Variants in DOCK1 observed in about 807,000 individuals in gnomAD.
The protein encoded by DOCK1 is dedicator of cytokinesis 1, also known as dedicator of cytokinesis protein 1.
Under a neutral mutation model 262.7 loss-of-function variants are expected in DOCK1, and 138 were observed. The observed-to-expected ratio is 0.53, with a 90% CI of 0.46 to 0.61. DOCK1 has a LOEUF of 0.61. DOCK1 is among the 20% of genes least tolerant of loss of function. The probability of loss-of-function intolerance (pLI) is 0.00; values close to 1 mark genes in which losing one functional copy is unlikely to be tolerated. For missense variants in DOCK1, 1,908 were observed against 2,370.7 expected, an observed-to-expected ratio of 0.80 and a Z score of 4.05; for synonymous variants, 866 against 867.4, an observed-to-expected ratio of 1.00 and a Z score of 0.03.
At chr10:127,200,142 A>G (rs551150283) in intron 27 of DOCK1, among the ~76,000 whole-genome samples, 1 of 152,330 alleles carries the variant, frequency 6.6e-6, no homozygotes, top group African/African-American at 2.4e-5. Context: ...GTCCCGATCC[A>G]GATCCCAAGA....
At chr10:127,386,061 A>G (rs938736194) in intron 38 of DOCK1, among the ~76,000 whole-genome samples, 1 of 152,194 alleles carries the variant, frequency 6.6e-6, no homozygotes, top group African/African-American at 2.4e-5. Context: ...GGGAGTGATG[A>G]TGGCTGCCCC....
chr10:127,377,984 G>T (rs572313973), intron 35 of DOCK1, among the ~76,000 whole-genome samples: 7 of 152,000 alleles, frequency 4.6e-5, no homozygotes, highest in Non-Finnish European at 8.8e-5. Context: ...GACATCTCCT[G>T]CAAGGATGTC....
chr10:127,076,029 CTG>C (rs1487888176), intron 23 of DOCK1, among the ~76,000 whole-genome samples: 1 of 152,174 alleles, frequency 6.6e-6, no homozygotes, highest in Non-Finnish European at 1.5e-5. Flanking sequence ...CTGTTCTGTG[CTG>C]TGTTTCTCCA....
intron 29 of DOCK1, among the ~76,000 whole-genome samples, chr10:127,322,978 G>A (rs2062600600): frequency 6.6e-6 from 1 of 152,328 alleles, no homozygotes; most frequent in Non-Finnish European, 1.5e-5. Context: ...ATACTGTGTA[G>A]AAAGCATGCT....
At chr10:126,952,719 A>C in intron 1 of DOCK1, among the ~76,000 whole-genome samples, 1 of 144,918 alleles carries the variant, frequency 6.9e-6, no homozygotes, top group South Asian at 2.2e-4. Context: ...TATTGTTGGT[A>C]GTGTTGGTGA....
chr10:127,347,500 CA>C (rs1590613656), intron 31 of DOCK1, among the ~76,000 whole-genome samples: 1 of 152,150 alleles, frequency 6.6e-6, no homozygotes, highest in African/African-American at 2.4e-5. Flanking sequence ...CATCGAGTGC[CA>C]AAGGGCATGG....
intron 27 of DOCK1, among the ~76,000 whole-genome samples, chr10:127,151,778 GGT>G (rs2052512493): frequency 6.6e-6 from 1 of 152,140 alleles, no homozygotes; most frequent in Non-Finnish European, 1.5e-5. Context: ...TGTGGTGCTT[GGT>G]CACTCGCAGT....
intron 27 of DOCK1, among the ~76,000 whole-genome samples, chr10:127,161,776 C>G (rs945899544): frequency 2.4e-4 from 36 of 152,136 alleles, no homozygotes; most frequent in Non-Finnish European, 4.7e-4. Flanking sequence ...TCATGGCAGG[C>G]TAATCTTTCT....
chr10:126,991,813 G>A (rs531320516), intron 6 of DOCK1, among the ~76,000 whole-genome samples: 2 of 152,128 alleles, frequency 1.3e-5, no homozygotes, highest in Non-Finnish European at 2.9e-5. Context: ...ACATGCGAGA[G>A]CCACTGCTCC....
chr10:127,237,834 G>A (rs1171151396), intron 27 of DOCK1, among the ~76,000 whole-genome samples: 1 of 152,080 alleles, frequency 6.6e-6, no homozygotes, highest in Non-Finnish European at 1.5e-5. Context: ...ATTAATTGTT[G>A]TCATATAAGT....
chr10:127,146,117 T>A (rs2051822967), intron 27 of DOCK1: 3 of 495,056 alleles, frequency 6.1e-6, no homozygotes, highest in South Asian at 4.5e-5. Flanking sequence ...AAACATGAAT[T>A]ATCTTTATCT....
At position 127,246,932 on chromosome 10, in the gene DOCK1, G is replaced by A. The variant is rs187617049; in HGVS notation, c.2848-1076G>A. 3.0e-4 allele frequency among the ~76,000 whole-genome samples: 46 copies of A among 152,280 alleles called. 1 individual carries two copies. Among genetic ancestry groups the A allele is most frequent in the East Asian group, 1.9e-4 (1 of 5,190 alleles). On this transcript the variant is annotated intron_variant, in intron 27 of 51. Transcript: ENST00000623213. ...TTCATGCTATAATTTTACCAAACTT[G>A]TACTGGCTTAATGGGAAAAAATATA...
chr10:127,426,994 G>T (rs899050203), intron 47 of DOCK1, among the ~76,000 whole-genome samples: 1 of 152,182 alleles, frequency 6.6e-6, no homozygotes, highest in South Asian at 2.1e-4. Context: ...CTGCTTTGCA[G>T]CTCAGAGTGG....
At chr10:127,210,371 G>T (rs1384592257) in intron 27 of DOCK1, among the ~76,000 whole-genome samples, 1 of 152,194 alleles carries the variant, frequency 6.6e-6, no homozygotes. Flanking sequence ...GGCGGCATTA[G>T]AGGGGCTGTA....
At chr10:127,204,720 G>T (rs2057633458) in intron 27 of DOCK1, among the ~76,000 whole-genome samples, 1 of 152,228 alleles carries the variant, frequency 6.6e-6, no homozygotes, top group South Asian at 2.1e-4. Context: ...TGTGTTTCCA[G>T]TGTGCATCCC....
chr10:127,197,995 G>A (rs1187091918), intron 27 of DOCK1, among the ~76,000 whole-genome samples: 4 of 152,136 alleles, frequency 2.6e-5, no homozygotes, highest in South Asian at 2.1e-4. Context: ...TGCCCAGGAC[G>A]GGAGTCCTGA....
chr10:127,285,162 C>T (rs117399733), intron 29 of DOCK1, among the ~76,000 whole-genome samples: 3 of 152,278 alleles, frequency 2.0e-5, no homozygotes, highest in Admixed American at 6.5e-5. Context: ...CAATATCTGG[C>T]AGCCCTTCTC....
rs138818418 is a variant in DOCK1, at chr10:127,223,331, A to G, written c.2848-24677A>G. Among the ~76,000 whole-genome samples the G allele has an allele frequency of 4.0e-3, 611 of 152,342 alleles. 1 individual carries two copies. The highest frequency in any genetic ancestry group is 0.014 in the African/African-American group (563 of 41,586). On this transcript the variant is annotated intron_variant, in intron 27 of 51. Coordinates refer to ENST00000623213, the MANE Select transcript of DOCK1 (RefSeq NM_001290223.2). ...AGGTAAAAATCTATTTTTCCTATCA[A>G]AATTATCTCTTAATGCTTTTTAATT...
intron 29 of DOCK1, among the ~76,000 whole-genome samples, chr10:127,261,226 G>GGTGT (rs747284801): frequency 1.0e-5 from 1 of 96,508 alleles, no homozygotes; most frequent in Non-Finnish European, 2.1e-5. Flanking sequence ...TGTGCATGTG[G>GGTGT]GTGTGCGTGT....
Sources: gnomAD v4.1 joint callset for allele counts (sites outside exome capture counted in the v4.1 genomes callset) on GRCh38, gnomAD v4.1.1 for gene constraint, MANE v1.5 for transcripts, NCBI Gene and HGNC (gene_info 2026-07-23, HGNC 2026-07-21) for gene names.